The following ALDH1L2 variants were observed in gnomAD, a reference collection of about 807,000 sequenced individuals.
The protein encoded by ALDH1L2 is mitochondrial 10-formyltetrahydrofolate dehydrogenase.
ALDH1L2 carries 91 observed loss-of-function variants against 111.0 expected under a neutral mutation model. The ratio of observed to expected loss-of-function variants is 0.82; its 90% CI spans 0.69 to 0.98. ALDH1L2 has a LOEUF of 0.98. Ranked by LOEUF, ALDH1L2 falls within the 50% of genes least tolerant of loss-of-function variation. The pLI is 0.00. For synonymous variants in ALDH1L2, 374 were observed against 392.6 expected (o/e 0.95, Z 0.56); for missense variants, 995 against 1,126.8 (o/e 0.88, Z 1.67).
intron 2 of ALDH1L2, among the ~76,000 whole-genome samples, chr12:105,073,220 A>C (rs1426579167): frequency 6.6e-6 from 1 of 152,210 alleles, no homozygotes; most frequent in Non-Finnish European, 1.5e-5. Flanking sequence ...AGGCTTAGTA[A>C]GATTAAGTAA....
chr12:105,038,290 ACAC>A, intron 17 of ALDH1L2, 88 bp from the exon 18 acceptor site: 1 of 351,282 alleles, frequency 2.8e-6, no homozygotes, highest in Non-Finnish European at 4.8e-6. Flanking sequence ...ACACACACAC[ACAC>A]ACACACACAC....
At chr12:105,069,951 T>C (rs189505763) in intron 3 of ALDH1L2, among the ~76,000 whole-genome samples, 4 of 152,370 alleles carry the variant, frequency 2.6e-5, no homozygotes, top group African/African-American at 9.6e-5. Flanking sequence ...CATTTCATCA[T>C]TTCAAGTAAT....
chr12:105,048,716 T>A (rs1338133226), intron 13 of ALDH1L2: 1 of 152,218 alleles, frequency 6.6e-6, no homozygotes, highest in Non-Finnish European at 1.5e-5. Flanking sequence ...CCTGTATCTT[T>A]ATCAAAGTTT....
intron 21 of ALDH1L2, among the ~76,000 whole-genome samples, chr12:105,028,875 T>A (rs1237267303): frequency 1.3e-5 from 2 of 152,206 alleles, no homozygotes; most frequent in Admixed American, 6.5e-5. Flanking sequence ...CATACTCTAT[T>A]ATTTGCTCAC....
At chr12:105,065,564 T>C (rs751283002) in intron 5 of ALDH1L2, among the ~76,000 whole-genome samples, 2 of 152,122 alleles carry the variant, frequency 1.3e-5, no homozygotes, top group Non-Finnish European at 2.9e-5. Context: ...AAGCAGAGGG[T>C]TATTTAAAGG....
intron 15 of ALDH1L2, among the ~76,000 whole-genome samples, chr12:105,042,545 GTTTATA>G (rs2136063853): frequency 6.6e-6 from 1 of 151,988 alleles, no homozygotes; most frequent in African/African-American, 2.4e-5. Flanking sequence ...AATTTGTTTT[GTTTATA>G]TTTAATTTTA....
chr12:105,030,091 T>C (rs1404371468), intron 21 of ALDH1L2: 1 of 310,350 alleles, frequency 3.2e-6, no homozygotes, highest in African/African-American at 2.1e-5. Flanking sequence ...AAAACTAAAA[T>C]TTATTCAGCT....
intron 13 of ALDH1L2, 75 bp downstream of exon 13, chr12:105,049,833 T>A: frequency 1.2e-5 from 18 of 1,457,720 alleles, no homozygotes; most frequent in Non-Finnish European, 1.6e-5. Flanking sequence ...AAAAAGAGGA[T>A]CTGACACAGT....
At chr12:105,040,199 T>C (rs1159635964) in intron 16 of ALDH1L2, among the ~76,000 whole-genome samples, 2 of 149,236 alleles carry the variant, frequency 1.3e-5, no homozygotes, top group African/African-American at 5.0e-5. Context: ...TTCATTGAAG[T>C]AGATTTCTAA....
intron 9 of ALDH1L2, 142 bp from the exon 10 acceptor site, chr12:105,058,362 C>T (rs1876770648): frequency 7.7e-6 from 6 of 776,694 alleles, no homozygotes; most frequent in Non-Finnish European, 1.1e-5. Context: ...CTGTGATACT[C>T]ATCAGAGAAA....
At chr12:105,043,888 A>G (rs1003868365) in intron 15 of ALDH1L2, among the ~76,000 whole-genome samples, 16 of 152,230 alleles carry the variant, frequency 1.1e-4, no homozygotes, top group Non-Finnish European at 1.5e-5. Flanking sequence ...ACACTAGGCC[A>G]TGAAAATCTG....
chr12:105,077,547 A>G lies in ALDH1L2; in HGVS notation c.49-3542T>C, dbSNP rs1002645909. 7.9e-5 allele frequency among the ~76,000 whole-genome samples: 12 copies of G among 151,842 alleles called. 1 individual carries two copies. The East Asian group carries it at 2.3e-3, about 29-fold the overall frequency. ...ACCCGCCTTGGCATCCCAAAGTGCT[A>G]GGATTACAGGCGTGAGCCACCACGC... On this transcript the variant is annotated intron_variant, in intron 1 of 22. Transcript: ENST00000258494.
chr12:105,072,957 G>A (rs577263517), intron 2 of ALDH1L2, among the ~76,000 whole-genome samples: 1 of 152,332 alleles, frequency 6.6e-6, no homozygotes, highest in South Asian at 2.1e-4. Context: ...CTGGGCAACA[G>A]AGTTAGACTC....
chr12:105,068,250 T>C (rs1228736893), intron 4 of ALDH1L2, among the ~76,000 whole-genome samples: 1 of 152,156 alleles, frequency 6.6e-6, no homozygotes, highest in Non-Finnish European at 1.5e-5. Flanking sequence ...TATTTTTATT[T>C]GATGGTATAC....
intron 2 of ALDH1L2, among the ~76,000 whole-genome samples, chr12:105,071,643 T>TATATA (rs55911058): frequency 6.5e-4 from 9 of 13,884 alleles, no homozygotes; most frequent in African/African-American, 1.5e-3. Flanking sequence ...TATATATATA[T>TATATA]TTTTTTTTTT....
At chr12:105,065,388 C>G (rs773944925) in intron 5 of ALDH1L2, 32 bp from the exon 6 acceptor site, 43 of 1,580,436 alleles carry the variant, frequency 2.7e-5, no homozygotes, top group Non-Finnish European at 3.5e-5. Context: ...GCTGAGCCTC[C>G]TATGGCTGTG....
intron 15 of ALDH1L2, among the ~76,000 whole-genome samples, chr12:105,044,573 T>A (rs1300677069): frequency 1.3e-5 from 1 of 75,720 alleles, no homozygotes; most frequent in Non-Finnish European, 3.1e-5. Context: ...GTTTAATGGG[T>A]TGTGCACCTA....
chr12:105,062,206 G>A (rs1877041763), intron 7 of ALDH1L2, among the ~76,000 whole-genome samples: 1 of 152,200 alleles, frequency 6.6e-6, no homozygotes, highest in African/African-American at 2.4e-5. Flanking sequence ...TTTCATAAAA[G>A]CCAGTGGAGG....
chr12:105,046,250 T>C (rs11112339), intron 15 of ALDH1L2, among the ~76,000 whole-genome samples: 18,327 of 78,340 alleles, frequency 0.23, 2,374 homozygotes, highest in South Asian at 0.38. Flanking sequence ...TTTTTTTTTT[T>C]TGTGAGACAG....
Sources: allele counts gnomAD v4.1 joint callset (sites outside exome capture counted in the v4.1 genomes callset), GRCh38; gene constraint gnomAD v4.1.1; transcripts MANE v1.5; gene names NCBI Gene and HGNC (gene_info 2026-07-23, HGNC 2026-07-21).